The following CFAP36 variants were observed in gnomAD, a reference collection of about 807,000 sequenced individuals.
CFAP36 encodes cilia and flagella associated protein 36.
In CFAP36, 37 loss-of-function variants were observed where a neutral mutation model predicts 50.5. The ratio of observed to expected loss-of-function variants is 0.73; its 90% confidence interval spans 0.56 to 0.96. The LOEUF is 0.96. Among genes scored for constraint, CFAP36 ranks in the 50% least tolerant of loss-of-function variants. The pLI is 0.00. For synonymous variants in CFAP36, 138 were observed against 128.2 expected (o/e 1.08, Z -0.52); for missense variants, 407 against 396.2 (o/e 1.03, Z -0.23).
At chr2:55,539,041 A>G in intron 7 of CFAP36, 1 of 702,456 alleles carries the variant, frequency 1.4e-6, no homozygotes, top group Non-Finnish European at 2.0e-6. Context: ...GCCCTAGTAC[A>G]TGCCTAGCCT....
chr2:55,526,988 A>G lies in CFAP36; in HGVS notation c.283-1890A>G, dbSNP rs148151649. On this transcript the variant is annotated intron_variant, in intron 3 of 9. Coordinates refer to ENST00000349456, the MANE Select transcript of CFAP36 (RefSeq NM_080667.7). Reference sequence around the variant, plus strand: ...GGCTGCAGTGAGCTATGACTGTACCACTGTATTCCAGCCTGGGCTGCAGAG... The same window carrying G: ...GGCTGCAGTGAGCTATGACTGTACCGCTGTATTCCAGCCTGGGCTGCAGAG... Among the ~76,000 whole-genome samples the G allele has an allele frequency of 7.5e-3, 1,146 of 151,984 alleles. 18 individuals are homozygous for G. The highest frequency in any genetic ancestry group is 0.053 in the South Asian group (255 of 4,826).
At chr2:55,527,537 G>A (rs1205526935) in intron 3 of CFAP36, among the ~76,000 whole-genome samples, 4 of 151,968 alleles carry the variant, frequency 2.6e-5, no homozygotes, top group African/African-American at 7.3e-5. Flanking sequence ...AGCTGAGATC[G>A]CGCCACTGCA....
intron 7 of CFAP36, among the ~76,000 whole-genome samples, chr2:55,538,443 C>T (rs1208542292): frequency 1.3e-5 from 2 of 151,542 alleles, no homozygotes; most frequent in Non-Finnish European, 2.9e-5. Context: ...TACAGGCAGG[C>T]ACCACCACGC....
chr2:55,540,201 C>T (rs1168635005), intron 7 of CFAP36, among the ~76,000 whole-genome samples: 1 of 152,144 alleles, frequency 6.6e-6, no homozygotes, highest in Non-Finnish European at 1.5e-5. Context: ...AAAGTCATCA[C>T]CATACCCAAG....
At chr2:55,537,185 A>G (rs920023899) in intron 6 of CFAP36, among the ~76,000 whole-genome samples, 11 of 152,158 alleles carry the variant, frequency 7.2e-5, no homozygotes, top group Non-Finnish European at 1.0e-4. Flanking sequence ...GAGACCAGCA[A>G]CATGGCAAAA....
chr2:55,520,317 G>A (rs1035835209), intron 1 of CFAP36: 4 of 1,175,326 alleles, frequency 3.4e-6, no homozygotes, highest in Non-Finnish European at 4.7e-6. Context: ...GAGAAGCGTC[G>A]GTTTACCTGA....
At chr2:55,537,723 T>C (rs1684528967) in intron 7 of CFAP36, 138 bp downstream of exon 7, 1 of 614,514 alleles carries the variant, frequency 1.6e-6, no homozygotes. Context: ...TTAACGTTCT[T>C]TGTGAATTTG....
intron 6 of CFAP36, chr2:55,535,977 T>C: frequency 1.1e-6 from 1 of 926,494 alleles, no homozygotes; most frequent in Non-Finnish European, 1.5e-6. Flanking sequence ...TATACTTAAC[T>C]GTATATAGTA....
chr2:55,543,852 C>A, intron 7 of CFAP36, 86 bp from the exon 8 acceptor site: 1 of 1,268,122 alleles, frequency 7.9e-7, no homozygotes, highest in Non-Finnish European at 1.1e-6. Context: ...GTATTATTAA[C>A]ATTAGCTCAT....
intron 4 of CFAP36, among the ~76,000 whole-genome samples, chr2:55,531,713 A>C (rs571843317): frequency 4.4e-4 from 67 of 152,198 alleles, no homozygotes; most frequent in African/African-American, 1.6e-3. Context: ...TTTCATGGAA[A>C]CCCTCCAGTT....
chr2:55,523,668 T>C (rs1684129711), intron 2 of CFAP36, 53 bp from the exon 3 acceptor site: 3 of 1,205,838 alleles, frequency 2.5e-6, no homozygotes, highest in Admixed American at 4.2e-5. Context: ...ATATGCAAAC[T>C]GTCATGTAGA....
At chr2:55,524,873 T>C (rs1207787035) in intron 3 of CFAP36, among the ~76,000 whole-genome samples, 2 of 151,504 alleles carry the variant, frequency 1.3e-5, no homozygotes, top group East Asian at 2.0e-4. Flanking sequence ...CCCAGCTACT[T>C]GGGAGGCTGA....
rs772924174 is a variant in CFAP36 at position 55,544,011 on chromosome 2, C to T, written c.714C>T (p.Ser238=). ...GRKVERSETS[S]LPQKDLKIPG... ...AAGTGGAAAGGTCTGAAACTTCCTC[C>T]CTCCCACAAAAAGACCTGAAGATTC... Residue 238 remains serine, a synonymous_variant, in exon 8 of 10, where the codon TCC becomes TCT. Coordinates refer to ENST00000349456, the MANE Select transcript of CFAP36 (RefSeq NM_080667.7). The T allele has an allele frequency of 1.9e-6, 3 of 1,613,808 alleles. No homozygotes were observed. Among genetic ancestry groups the T allele is most frequent in the African/African-American group, 1.3e-5 (1 of 74,970 alleles).
In CFAP36 at chr2:55,526,988, A is replaced by T. The variant is rs148151649; in HGVS notation, c.283-1890A>T. On this transcript the variant is annotated intron_variant, in intron 3 of 9. Transcript: ENST00000349456. ...GGCTGCAGTGAGCTATGACTGTACCACTGTATTCCAGCCTGGGCTGCAGAG... is the reference window on the plus strand; with the variant it reads ...GGCTGCAGTGAGCTATGACTGTACCTCTGTATTCCAGCCTGGGCTGCAGAG... 2.5e-4 allele frequency among the ~76,000 whole-genome samples: 38 copies of T among 151,986 alleles called. 2 individuals carry two copies. The East Asian group carries it at 7.2e-3, about 29-fold the overall frequency.
chr2:55,536,342 A>C (rs1030108948), intron 6 of CFAP36, among the ~76,000 whole-genome samples: 3 of 152,042 alleles, frequency 2.0e-5, no homozygotes, highest in Non-Finnish European at 2.9e-5. Flanking sequence ...CACGTTGATC[A>C]GGCTGGTCTT....
chr2:55,533,712 T>A (rs917650642), intron 4 of CFAP36, among the ~76,000 whole-genome samples, 161 bp from the exon 5 acceptor site: 17 of 146,508 alleles, frequency 1.2e-4, no homozygotes, highest in South Asian at 4.3e-4. Context: ...AAAAAAAATA[T>A]ATATATATAT....
Position 55,544,092 on chromosome 2 carries a change from C to T in CFAP36, c.777+18C>T. 2 of 1,612,884 alleles carry T rather than the reference C, an allele frequency of 1.2e-6. No individual in the cohort carries two copies. The highest frequency in any genetic ancestry group is 8.5e-7 in the Non-Finnish European group (1 of 1,179,696). ...CAATAGCAGTAAGTAAACGACATCA[C>T]TTAAGAACTATAAGCAAAATGACAA... On this transcript the variant is annotated intron_variant, in intron 8 of 9. Coordinates refer to ENST00000349456, the MANE Select transcript of CFAP36 (RefSeq NM_080667.7).
intron 8 of CFAP36, 25 bp from the exon 9 acceptor site, chr2:55,544,195 T>C: frequency 1.2e-6 from 2 of 1,607,898 alleles, no homozygotes; most frequent in Non-Finnish European, 1.7e-6. Context: ...TGAATTTAGA[T>C]AGCTCCTTTT....
chr2:55,532,207 T>TTA (rs1264475413), intron 4 of CFAP36, among the ~76,000 whole-genome samples: 89 of 133,918 alleles, frequency 6.6e-4, no homozygotes, highest in African/African-American at 1.9e-3. Flanking sequence ...GTCTCAAAAT[T>TTA]AAAAAAAAAA....
Sources: allele counts gnomAD v4.1 joint callset (sites outside exome capture counted in the v4.1 genomes callset), GRCh38; gene constraint gnomAD v4.1.1; transcripts MANE v1.5; gene names NCBI Gene and HGNC (gene_info 2026-07-23, HGNC 2026-07-21).